The following JADE3 variants were observed in gnomAD, a reference collection of about 807,000 sequenced individuals.
The protein encoded by JADE3 is jade family PHD finger 3, also known as protein Jade-3.
JADE3 carries 2 observed loss-of-function variants against 50.1 expected under a neutral mutation model. The observed-to-expected ratio is 0.04, with a 90% CI of 0.02 to 0.13. The LOEUF is 0.13. Among genes scored for constraint, JADE3 ranks in the 10% least tolerant of loss-of-function variants. JADE3 has a pLI of 1.00. For synonymous variants in JADE3, 218 were observed against 232.9 expected, an observed-to-expected ratio of 0.94 and a Z score of 0.58; for missense variants, 475 against 634.4, an observed-to-expected ratio of 0.75 and a Z score of 2.70.
At chrX:47,033,148 G>A (rs1408348445) in intron 6 of JADE3, among the ~76,000 whole-genome samples, 2 of 112,058 alleles carry the variant, frequency 1.8e-5, no homozygotes, top group Non-Finnish European at 3.8e-5. Context: ...TATGCACCAG[G>A]CGTTAATAGG....
At chrX:46,992,378 C>G (rs911283158) in intron 3 of JADE3, among the ~76,000 whole-genome samples, 1 of 102,099 alleles carries the variant, frequency 9.8e-6, no homozygotes, top group Non-Finnish European at 2.0e-5. Flanking sequence ...GACCCCCCCC[C>G]CCATAACTAC....
At chrX:47,012,815 T>C (rs1474441550) in intron 4 of JADE3, among the ~76,000 whole-genome samples, 1 of 110,384 alleles carries the variant, frequency 9.1e-6, no homozygotes, top group Non-Finnish European at 1.9e-5. Context: ...GTATTAGGGG[T>C]CCAAGTTCAT....
intron 6 of JADE3, among the ~76,000 whole-genome samples, chrX:47,032,645 G>A (rs1929046986): frequency 9.0e-6 from 1 of 111,479 alleles, no homozygotes; most frequent in African/African-American, 3.3e-5. Context: ...GCCACTGTAG[G>A]GAGAATAGCA....
chrX:46,999,546 AC>A (rs1211131518), intron 4 of JADE3, among the ~76,000 whole-genome samples: 2 of 105,147 alleles, frequency 1.9e-5, no homozygotes, highest in Non-Finnish European at 3.8e-5. Flanking sequence ...GAGTAATGGT[AC>A]CTGTAAATAG....
chrX:47,025,876 G>A (rs1379160401), intron 5 of JADE3, among the ~76,000 whole-genome samples: 1 of 111,471 alleles, frequency 9.0e-6, no homozygotes, highest in Admixed American at 9.5e-5. Context: ...TTTTCTTCCC[G>A]CCCTCCCTTT....
intron 1 of JADE3, among the ~76,000 whole-genome samples, chrX:46,944,702 T>C (rs1260093335): frequency 9.0e-6 from 1 of 111,397 alleles, no homozygotes; most frequent in African/African-American, 3.3e-5. Flanking sequence ...ACCGTGTCTC[T>C]GGAAACCACC....
chrX:46,964,537 A>G (rs1481106476), intron 1 of JADE3, among the ~76,000 whole-genome samples: 2 of 111,855 alleles, frequency 1.8e-5, no homozygotes, highest in Non-Finnish European at 3.8e-5. Context: ...TCTCCAGATG[A>G]TCCAGCTGTT....
chrX:47,025,106 A>G (rs1928880229), intron 5 of JADE3, among the ~76,000 whole-genome samples, 192 bp downstream of exon 5: 2 of 112,094 alleles, frequency 1.8e-5, no homozygotes, highest in Non-Finnish European at 3.8e-5. Flanking sequence ...AAGCAATAAT[A>G]TTTAAATATG....
chrX:47,034,913 C>T (rs1282728976), intron 7 of JADE3, among the ~76,000 whole-genome samples: 5 of 109,943 alleles, frequency 4.5e-5, no homozygotes, highest in Non-Finnish European at 9.5e-5. Flanking sequence ...TGCGCCCGGC[C>T]GATGCCCTTT....
chrX:46,917,977 C>G (rs1232712070), intron 1 of JADE3, among the ~76,000 whole-genome samples: 1 of 109,966 alleles, frequency 9.1e-6, no homozygotes, highest in Admixed American at 9.7e-5. Context: ...AAGTCATTTC[C>G]CCTTCAGTGT....
intron 8 of JADE3, among the ~76,000 whole-genome samples, chrX:47,048,838 A>G (rs1556371264): frequency 8.9e-6 from 1 of 111,924 alleles, no homozygotes; most frequent in African/African-American, 3.3e-5. Context: ...TATATAAAAT[A>G]TATCTTAATA....
At chrX:46,934,779 A>AT (rs781968209) in intron 1 of JADE3, among the ~76,000 whole-genome samples, 3 of 111,693 alleles carry the variant, frequency 2.7e-5, no homozygotes, top group South Asian at 7.4e-4. Flanking sequence ...AAGTTTTATA[A>AT]TTTTACATTT....
At chrX:46,961,095 T>A (rs1927248619) in intron 1 of JADE3, among the ~76,000 whole-genome samples, 1 of 112,038 alleles carries the variant, frequency 8.9e-6, no homozygotes, top group Non-Finnish European at 1.9e-5. Context: ...GTTTGCTTTA[T>A]CAAATTAAAA....
At chrX:46,960,998 A>G (rs1556347551) in intron 1 of JADE3, among the ~76,000 whole-genome samples, 1 of 111,564 alleles carries the variant, frequency 9.0e-6, no homozygotes, top group African/African-American at 3.3e-5. Context: ...CTGGGAAGCA[A>G]CAGAAGGGTT....
chrX:47,022,197 A>G (rs1399873076), intron 4 of JADE3, among the ~76,000 whole-genome samples: 3 of 112,308 alleles, frequency 2.7e-5, no homozygotes, highest in African/African-American at 9.7e-5. Context: ...CTTCTAGGCC[A>G]TGCACTAAAG....
intron 1 of JADE3, among the ~76,000 whole-genome samples, chrX:46,963,592 G>T (rs1341948878): frequency 8.9e-6 from 1 of 112,266 alleles, no homozygotes; most frequent in Non-Finnish European, 1.9e-5. Flanking sequence ...CAGTTCTGCT[G>T]TTCTCAGCTG....
At position 46,934,008 on chromosome X, in the gene JADE3, T is replaced by C. The variant is rs1418483639; in HGVS notation, c.-12+21289T>C. 4.5e-5 allele frequency among the ~76,000 whole-genome samples: 5 copies of C among 112,259 alleles called. No homozygotes were observed. The East Asian group carries it at 1.4e-3, about 31-fold the overall frequency. The stretch of plus-strand genomic sequence containing the variant: ...ATTTAAGTTGGGTTGTTTCTTACTG[T>C]TGTTTTTGAGGTTTTTTCCCTAATA... On this transcript the variant is annotated intron_variant, in intron 1 of 10. Transcript: ENST00000614628.
intron 4 of JADE3, among the ~76,000 whole-genome samples, chrX:47,015,870 C>G (rs2147145521): frequency 9.2e-6 from 1 of 108,445 alleles, no homozygotes; most frequent in South Asian, 4.2e-4. Flanking sequence ...CAGACGTGAG[C>G]CACTGCACCC....
At position 46,917,855 on chromosome X, in the gene JADE3, CA is replaced by C. The variant is rs1423407283; in HGVS notation, c.-12+5137del. Among the ~76,000 whole-genome samples, 146 of 25,446 alleles carry C rather than the reference CA, an allele frequency of 5.7e-3. 2 individuals carry two copies. The highest frequency in any genetic ancestry group is 7.1e-3 in the African/African-American group (65 of 9,150). The allele number at this position is 25,446 out of a possible 115,157, so 22.1% of individuals were successfully genotyped here. A position where few individuals can be genotyped will look rare whatever the true frequency, so the allele number is the denominator to read the frequency against. ...TCATCCTCTCTCTCTCTCTCTCTCT[CA>C]TCCTCTCTCTCTCTCTCTCTCTCTC... is the stretch of plus-strand genomic sequence containing the variant. On this transcript the variant is annotated intron_variant, in intron 1 of 10. Transcript: ENST00000614628.
Sources: gnomAD v4.1 joint callset for allele counts (sites outside exome capture counted in the v4.1 genomes callset) on GRCh38, gnomAD v4.1.1 for gene constraint, MANE v1.5 for transcripts, NCBI Gene and HGNC (gene_info 2026-07-23, HGNC 2026-07-21) for gene names.